Variants in SDE2 observed in about 807,000 individuals in gnomAD.
SDE2 encodes splicing regulator SDE2.
Under a neutral mutation model 46.9 loss-of-function variants are expected in SDE2, and 31 were observed. That is an observed-to-expected ratio of 0.66 (90% CI 0.50 to 0.89). The LOEUF is 0.89. Among genes scored for constraint, SDE2 ranks in the 40% least tolerant of loss-of-function variants. The pLI is 0.00. For missense variants in SDE2, 542 were observed against 564.4 expected, an observed-to-expected ratio of 0.96 and a Z score of 0.40; for synonymous variants, 205 against 204.3, an observed-to-expected ratio of 1.00 and a Z score of -0.03.
At chr1:225,989,453 A>T (rs1656345474) in intron 5 of SDE2, among the ~76,000 whole-genome samples, 1 of 151,548 alleles carries the variant, frequency 6.6e-6, no homozygotes, top group South Asian at 2.1e-4. Flanking sequence ...ACATGGTGAA[A>T]CACCATCTCT....
At chr1:225,989,409 A>G (rs1472603444) in intron 5 of SDE2, among the ~76,000 whole-genome samples, 3 of 151,734 alleles carry the variant, frequency 2.0e-5, no homozygotes, top group Admixed American at 6.6e-5. Context: ...TGGGTGGATC[A>G]CTTGAGGTTA....
chr1:225,992,708 A>C, intron 3 of SDE2, 141 bp from the exon 4 acceptor site: 1 of 674,438 alleles, frequency 1.5e-6, no homozygotes, highest in Non-Finnish European at 2.5e-6. Flanking sequence ...TACTACTAGC[A>C]TATGGTACTG....
At position 225,999,182 on chromosome 1, in the gene SDE2, G is replaced by A; in HGVS notation, c.120+11C>T. ...CTCTTTCTCCTTCCTAACAGGAACCGAAATCCTCACCTGATCTTGGCAGTG... is the reference window on the plus strand; with the variant it reads ...CTCTTTCTCCTTCCTAACAGGAACCAAAATCCTCACCTGATCTTGGCAGTG... On this transcript the variant is annotated intron_variant, in intron 1 of 6. Transcript: ENST00000272091. The A allele has an allele frequency of 6.2e-7, 1 of 1,607,116 alleles. No individual in the cohort carries two copies.
chr1:225,995,183 CA>C, intron 2 of SDE2, 82 bp downstream of exon 2: 1 of 736,126 alleles, frequency 1.4e-6, no homozygotes, highest in East Asian at 2.6e-5. Flanking sequence ...CTAAAGACAG[CA>C]AATGTCAGCA....
chr1:225,986,806 C>T (rs533803170), intron 6 of SDE2, among the ~76,000 whole-genome samples: 1 of 152,208 alleles, frequency 6.6e-6, no homozygotes, highest in African/African-American at 2.4e-5. Context: ...AAAAAAATTC[C>T]AATAGTCTCA....
Position 225,984,815 on chromosome 1 carries a change from AT to A in SDE2, c.*486del, listed in dbSNP as rs1257943006. 10 of 155,670 alleles carry A rather than the reference AT, an allele frequency of 6.4e-5. No homozygotes were observed. The highest frequency in any genetic ancestry group is 5.7e-4 in the Admixed American group (9 of 15,798). The allele number at this position is 155,670 out of a possible 1,614,324, so 9.6% of individuals were successfully genotyped here. A position where few individuals can be genotyped will look rare whatever the true frequency, so the allele number is the denominator to read the frequency against. ...ACAGTGTAAGACTGTCTCAAAAAAA[AT>A]AAAATAAAATAAAAAGTCAGATCAG... On this transcript the variant is annotated 3_prime_UTR_variant, in exon 7 of 7. Transcript: ENST00000272091.
rs1420107434 is a variant in SDE2 at position 225,988,218 on chromosome 1, A to C, written c.812T>G (p.Val271Gly). ...TGGTGATCCATGGTCTGTATTCACTACTCTCGCCCTCTGAGAACCACTGGG... is the reference window on the plus strand; with the variant it reads ...TGGTGATCCATGGTCTGTATTCACTCCTCTCGCCCTCTGAGAACCACTGGG... Reference protein sequence around the residue: ...KFPSGSQRARVVNTDHGSPEQ... With the variant: ...KFPSGSQRARGVNTDHGSPEQ... Residue 271 changes from valine to glycine, a missense_variant, in exon 6 of 7, where the codon GTA (valine) becomes GGA (glycine). Val to Gly is a moderately radical substitution (Grantham distance 109, BLOSUM62 -3). Transcript: ENST00000272091. 5 of 1,613,406 alleles carry C rather than the reference A, an allele frequency of 3.1e-6. No homozygotes were observed. The highest frequency in any genetic ancestry group is 4.2e-6 in the Non-Finnish European group (5 of 1,179,892).
At chr1:225,990,150 A>G (rs982478412) in intron 5 of SDE2, among the ~76,000 whole-genome samples, 1 of 152,118 alleles carries the variant, frequency 6.6e-6, no homozygotes, top group African/African-American at 2.4e-5. Flanking sequence ...AATTACCCAA[A>G]TGTCTACCAA....
rs956933842 is a variant in SDE2, at chr1:225,983,717, C to A, written c.*1585G>T. 1.3e-5 allele frequency: 2 copies of A among 151,960 alleles called. No homozygotes were observed. Among genetic ancestry groups the A allele is most frequent in the Non-Finnish European group, 2.9e-5 (2 of 67,992 alleles). The allele number at this position is 151,960 out of a possible 1,614,324, so 9.4% of individuals were successfully genotyped here. ...CCACACCTGGCCTAAAATACGCATT[C>A]TTTTAAACTGTGTATGGTACACTCA... On this transcript the variant is annotated 3_prime_UTR_variant, in exon 7 of 7. Transcript: ENST00000272091.
At chr1:225,997,870 C>T (rs1656565551) in intron 1 of SDE2, among the ~76,000 whole-genome samples, 2 of 152,148 alleles carry the variant, frequency 1.3e-5, no homozygotes, top group South Asian at 2.1e-4. Context: ...GTGGCTCAAG[C>T]CTGTAATCCC....
At position 225,999,141 on chromosome 1, in the gene SDE2, G is replaced by C. The variant is rs1656596896; in HGVS notation, c.120+52C>G. ...CGGACAGACCTACTCCGCACCCAGC[G>C]CTGCCACCTGTCTGCCTCTTTCTCC... On this transcript the variant is annotated intron_variant, in intron 1 of 6. Coordinates refer to ENST00000272091, the MANE Select transcript of SDE2 (RefSeq NM_152608.4). 2.0e-6 allele frequency: 3 copies of C among 1,491,078 alleles called. No individual in the cohort carries two copies. In the Admixed American group the frequency reaches 5.1e-5, roughly 26 times the overall value. 92.4% of individuals were successfully genotyped at this position (1,491,078 alleles called of 1,614,324 possible). A position where few individuals can be genotyped will look rare whatever the true frequency, so the allele number is the denominator to read the frequency against.
intron 1 of SDE2, among the ~76,000 whole-genome samples, chr1:225,998,724 G>A (rs1431715641): frequency 6.6e-6 from 1 of 152,182 alleles, no homozygotes; most frequent in Non-Finnish European, 1.5e-5. Flanking sequence ...CTGACCAGAA[G>A]AATCAATTTT....
At chr1:225,992,290 G>A (rs1480411561) in intron 4 of SDE2, 108 bp downstream of exon 4, 1 of 685,430 alleles carries the variant, frequency 1.5e-6, no homozygotes, top group Non-Finnish European at 2.4e-6. Flanking sequence ...TCAGACATCT[G>A]TAACCTAAAA....
Position 225,988,067 on chromosome 1 carries a change from C to T in SDE2, c.963G>A (p.Glu321=), listed in dbSNP as rs776219134. The change falls in exon 6 of 7, where the codon GAG becomes GAA. Residue 321 remains glutamate (E), a synonymous_variant. Coordinates refer to ENST00000272091, the MANE Select transcript of SDE2 (RefSeq NM_152608.4). The part of the protein sequence containing the change: ...RMVTETEETQ[E]KKAESKEPIE... Reference sequence around the variant, plus strand: ...TGGGTTCTTTACTCTCTGCCTTCTTCTCCTGGGTCTCTTCTGTTTCTGTAA... The same window carrying T: ...TGGGTTCTTTACTCTCTGCCTTCTTTTCCTGGGTCTCTTCTGTTTCTGTAA... 9 of 1,614,044 alleles carry T rather than the reference C, an allele frequency of 5.6e-6. No homozygotes were observed. The Admixed American group carries it at 1.3e-4, about 24-fold the overall frequency.
intron 2 of SDE2, among the ~76,000 whole-genome samples, chr1:225,994,252 T>C (rs775845547): frequency 9.2e-5 from 14 of 152,124 alleles, no homozygotes; most frequent in Non-Finnish European, 2.1e-4. Context: ...AATTTTTATA[T>C]CTCTAGTAGA....
chr1:225,999,195 G>A lies in SDE2; in HGVS notation c.118C>T (p.Gln40Ter). 6.2e-7 allele frequency: 1 copy of A among 1,611,560 alleles called. No homozygotes were observed. Among genetic ancestry groups the A allele is most frequent in the Admixed American group, 1.7e-5 (1 of 59,860 alleles). The change falls in exon 1 of 7, where the codon CAG (glutamine) becomes TAG (stop). Residue 40 changes from glutamine (Q) to a stop codon, truncating the protein, a stop_gained and splice_region_variant. Transcript: ENST00000272091. LOFTEE classifies it high-confidence loss of function. ...RDFIHRHCQD[Q>*]NVPVENFFVK... is the part of the protein sequence containing the mutation. ...CTAACAGGAACCGAAATCCTCACCT[G>A]ATCTTGGCAGTGCCGGTGGATAAAA...
Position 225,985,295 on chromosome 1 carries a change from A to G in SDE2, c.*7T>C, listed in dbSNP as rs1348119039. 2.5e-6 allele frequency: 4 copies of G among 1,606,264 alleles called. No homozygotes were observed. The highest frequency in any genetic ancestry group is 3.4e-6 in the Non-Finnish European group (4 of 1,172,900). On this transcript the variant is annotated 3_prime_UTR_variant, in exon 7 of 7. Transcript: ENST00000272091. ...TATAAACAAATAGGAATCAGCTCTG[A>G]TGATACTCATTTTTTCTTCCCTTTC... is the stretch of plus-strand genomic sequence containing the variant.
At chr1:225,994,358 G>C (rs1656472684) in intron 2 of SDE2, among the ~76,000 whole-genome samples, 1 of 152,234 alleles carries the variant, frequency 6.6e-6, no homozygotes, top group African/African-American at 2.4e-5. Flanking sequence ...TTACAGGCGT[G>C]AGCCACCGTG....
At chr1:225,991,449 G>T in intron 4 of SDE2, 86 bp from the exon 5 acceptor site, 1 of 953,768 alleles carries the variant, frequency 1.0e-6, no homozygotes, top group Non-Finnish European at 1.6e-6. Flanking sequence ...AAAAAGAGCT[G>T]CAATCTACAG....
Sources: gnomAD v4.1 joint callset for allele counts (sites outside exome capture counted in the v4.1 genomes callset) on GRCh38, gnomAD v4.1.1 for gene constraint, MANE v1.5 for transcripts, NCBI Gene and HGNC (gene_info 2026-07-23, HGNC 2026-07-21) for gene names.